UCK2: variants seen among roughly 807,000 people sequenced by gnomAD.
UCK2 encodes uridine-cytidine kinase 2.
In UCK2, 6 loss-of-function variants were observed where a neutral mutation model predicts 30.8. That is an observed-to-expected ratio of 0.19 (90% CI 0.11 to 0.38). The LOEUF (loss-of-function observed/expected upper bound fraction) is 0.38. Among genes scored for constraint, UCK2 ranks in the 10% least tolerant of loss-of-function variants. The pLI, the probability that UCK2 is intolerant of heterozygous loss-of-function variation, is 1.00. For synonymous variants in UCK2, 125 were observed against 133.6 expected, an observed-to-expected ratio of 0.94 and a Z score of 0.45; for missense variants, 210 against 339.8, an observed-to-expected ratio of 0.62 and a Z score of 3.00.
In UCK2 at chr1:165,850,136, A is replaced by C. The variant is rs765064465; in HGVS notation, c.99+22204A>C. Among the ~76,000 whole-genome samples the C allele has an allele frequency of 2.0e-5, 3 of 152,038 alleles. No homozygotes were observed. In the East Asian group the frequency reaches 5.8e-4, roughly 29 times the overall value. On this transcript the variant is annotated intron_variant, in intron 1 of 6. Transcript: ENST00000367879. Reference sequence around the variant, plus strand: ...CATTTAAAAAACTGTTTTTATTTTTATTTATTTATTTTGAGACAGAGTTTT... The same window carrying C: ...CATTTAAAAAACTGTTTTTATTTTTCTTTATTTATTTTGAGACAGAGTTTT...
At position 165,903,295 on chromosome 1, in the gene UCK2, GGTTT is replaced by G. The variant is rs1233501273; in HGVS notation, c.597+21_597+24del. ...CTGCTTGCCAGTGAGTTGTGTTCTT[GGTTT>G]GTTTTTGTTGAATGTAGAATTTAAA... On this transcript the variant is annotated intron_variant, in intron 5 of 6. Transcript: ENST00000367879. 5 of 1,609,272 alleles carry G rather than the reference GGTTT, an allele frequency of 3.1e-6. No homozygotes were observed. The highest frequency in any genetic ancestry group is 4.2e-6 in the Non-Finnish European group (5 of 1,177,478).
At chr1:165,886,266 G>A (rs746892126) in intron 1 of UCK2, among the ~76,000 whole-genome samples, 1 of 151,954 alleles carries the variant, frequency 6.6e-6, no homozygotes, top group Non-Finnish European at 1.5e-5. Context: ...CCTGGTTATT[G>A]GTGGATTATT....
chr1:165,837,340 G>A (rs1331171293), intron 1 of UCK2, among the ~76,000 whole-genome samples: 3 of 152,136 alleles, frequency 2.0e-5, no homozygotes, highest in Non-Finnish European at 4.4e-5. Context: ...TGTTACCACT[G>A]GTCACACAAA....
At chr1:165,895,108 T>C (rs1655862478) in intron 3 of UCK2, among the ~76,000 whole-genome samples, 1 of 152,220 alleles carries the variant, frequency 6.6e-6, no homozygotes, top group South Asian at 2.1e-4. Context: ...GTTTCACCCT[T>C]CTTGCTTTTT....
At chr1:165,843,061 A>G (rs1208942218) in intron 1 of UCK2, among the ~76,000 whole-genome samples, 1 of 150,784 alleles carries the variant, frequency 6.6e-6, no homozygotes, top group South Asian at 2.1e-4. Context: ...GTTGACTGCA[A>G]TCTGAATTGA....
At chr1:165,893,277 T>C (rs973517702) in intron 3 of UCK2, among the ~76,000 whole-genome samples, 5 of 152,194 alleles carry the variant, frequency 3.3e-5, no homozygotes, top group African/African-American at 9.7e-5. Context: ...AAGAAAATCC[T>C]GGTAGAATTC....
At chr1:165,870,226 T>C (rs1264576396) in intron 1 of UCK2, among the ~76,000 whole-genome samples, 2 of 148,384 alleles carry the variant, frequency 1.3e-5, no homozygotes, top group Admixed American at 6.8e-5. Context: ...TTTTTGCATA[T>C]GAATGTCCAG....
intron 1 of UCK2, among the ~76,000 whole-genome samples, chr1:165,845,902 A>G (rs971877548): frequency 2.0e-5 from 3 of 152,154 alleles, no homozygotes; most frequent in East Asian, 3.8e-4. Context: ...TCTGTACTCC[A>G]GTGATCCTCC....
intron 4 of UCK2, among the ~76,000 whole-genome samples, chr1:165,896,821 A>G (rs867285519): frequency 6.6e-5 from 10 of 152,166 alleles, no homozygotes; most frequent in Non-Finnish European, 1.3e-4. Flanking sequence ...CACTCTTTCC[A>G]GTCAGCTCAG....
chr1:165,836,956 G>A (rs1304487001), intron 1 of UCK2, among the ~76,000 whole-genome samples: 1 of 152,116 alleles, frequency 6.6e-6, no homozygotes, highest in African/African-American at 2.4e-5. Context: ...AAGGCAGAAG[G>A]GCAGGAGGAG....
rs1482291404 is a variant in UCK2 at position 165,909,217 on chromosome 1, A to T, written c.*1394A>T. 6.6e-6 allele frequency: 1 copy of T among 152,036 alleles called. No individual in the cohort carries two copies. Among genetic ancestry groups the T allele is most frequent in the Non-Finnish European group, 1.5e-5 (1 of 68,018 alleles). The allele number at this position is 152,036 out of a possible 1,614,324, so 9.4% of individuals were successfully genotyped here. ...TACAGATTCCTGACATTCTGGGTGGAGGGGAGCCCAAGTGAGCCTGAAGGA... is the reference window on the plus strand; with the variant it reads ...TACAGATTCCTGACATTCTGGGTGGTGGGGAGCCCAAGTGAGCCTGAAGGA... On this transcript the variant is annotated 3_prime_UTR_variant, in exon 7 of 7. Coordinates refer to ENST00000367879, the MANE Select transcript of UCK2 (RefSeq NM_012474.5).
intron 6 of UCK2, among the ~76,000 whole-genome samples, chr1:165,907,306 AG>A (rs1478002729): frequency 1.3e-5 from 2 of 152,176 alleles, no homozygotes; most frequent in Non-Finnish European, 2.9e-5. Context: ...GAAAACTGGA[AG>A]GTTCCCTGGT....
rs142162324 is a variant in UCK2 at position 165,835,359 on chromosome 1, G to GTTA, written c.99+7448_99+7450dup. 6.8e-3 allele frequency among the ~76,000 whole-genome samples: 1,025 copies of GTTA among 150,480 alleles called. 13 individuals are homozygous for GTTA. Among genetic ancestry groups the GTTA allele is most frequent in the African/African-American group, 0.022 (907 of 40,962 alleles). Reference sequence around the variant, plus strand: ...GTAAAAATATGTATTTTTAAAATTAGTTATTATTATTATTATTATTATTTC... The same window carrying GTTA: ...GTAAAAATATGTATTTTTAAAATTAGTTATTATTATTATTATTATTATTATTTC... On this transcript the variant is annotated intron_variant, in intron 1 of 6. Coordinates refer to ENST00000367879, the MANE Select transcript of UCK2 (RefSeq NM_012474.5).
At chr1:165,835,321 A>T (rs1344490892) in intron 1 of UCK2, among the ~76,000 whole-genome samples, 1 of 151,498 alleles carries the variant, frequency 6.6e-6, no homozygotes, top group Non-Finnish European at 1.5e-5. Context: ...TAATATATAT[A>T]TTTTTATATG....
intron 1 of UCK2, among the ~76,000 whole-genome samples, chr1:165,888,286 G>A (rs571499694): frequency 6.6e-5 from 10 of 151,646 alleles, no homozygotes; most frequent in African/African-American, 1.9e-4. Context: ...GTTCTGTTCT[G>A]TTCTTTTCTC....
At chr1:165,881,471 C>T (rs1571289241) in intron 1 of UCK2, among the ~76,000 whole-genome samples, 2 of 152,072 alleles carry the variant, frequency 1.3e-5, no homozygotes, top group East Asian at 1.9e-4. Context: ...TGTGTGGTGG[C>T]GAAGAGCATG....
intron 1 of UCK2, among the ~76,000 whole-genome samples, chr1:165,884,576 T>C (rs1264733845): frequency 6.6e-6 from 1 of 152,224 alleles, no homozygotes; most frequent in African/African-American, 2.4e-5. Context: ...GTGGAGGGTA[T>C]ATGACAAAGA....
At chr1:165,895,909 T>C in intron 3 of UCK2, 1 of 306,918 alleles carries the variant, frequency 3.3e-6, no homozygotes, top group Non-Finnish European at 5.9e-6. Context: ...AGCAGGTTTT[T>C]TTAATTCCAA....
At chr1:165,906,417 C>T (rs564132254) in intron 6 of UCK2, among the ~76,000 whole-genome samples, 20 of 152,190 alleles carry the variant, frequency 1.3e-4, no homozygotes. Context: ...CGAGGTCTTG[C>T]TCTGTCACCA....
Sources: gnomAD v4.1 joint callset for allele counts (sites outside exome capture counted in the v4.1 genomes callset) on GRCh38, gnomAD v4.1.1 for gene constraint, MANE v1.5 for transcripts, NCBI Gene and HGNC (gene_info 2026-07-23, HGNC 2026-07-21) for gene names.